The following THSD7B variants were observed in gnomAD, a reference collection of about 807,000 sequenced individuals.
The protein encoded by THSD7B is thrombospondin type 1 domain containing 7B.
A neutral mutation model predicts 213.6 loss-of-function variants in THSD7B; 138 were observed. That is an observed-to-expected ratio of 0.65 (90% CI 0.56 to 0.74). The LOEUF (loss-of-function observed/expected upper bound fraction) is 0.74, where lower values mean the gene tolerates loss of function less well. Ranked by LOEUF, THSD7B falls within the 30% of genes least tolerant of loss-of-function variation. THSD7B has a pLI of 0.00. For synonymous variants in THSD7B, 742 were observed against 687.0 expected, an observed-to-expected ratio of 1.08 and a Z score of -1.25; for missense variants, 1,931 against 1,991.5, an observed-to-expected ratio of 0.97 and a Z score of 0.58.
chr2:137,658,385 T>C (rs954133944), intron 24 of THSD7B, among the ~76,000 whole-genome samples: 5 of 152,210 alleles, frequency 3.3e-5, no homozygotes, highest in African/African-American at 7.2e-5. Context: ...GTGTATAACA[T>C]GTAATCATCT....
chr2:136,915,718 T>C (rs1684337975), intron 2 of THSD7B, among the ~76,000 whole-genome samples: 1 of 152,206 alleles, frequency 6.6e-6, no homozygotes, highest in Non-Finnish European at 1.5e-5. Context: ...AGCAAGTAAG[T>C]GGCAGAGCCA....
At chr2:137,614,506 A>C (rs1682346767) in intron 17 of THSD7B, among the ~76,000 whole-genome samples, 4 of 152,174 alleles carry the variant, frequency 2.6e-5, no homozygotes, top group Admixed American at 2.6e-4. Context: ...AGCACTAATC[A>C]GGAGTATCTA....
Position 137,465,411 on chromosome 2 carries a change from C to T in THSD7B, c.3138+14388C>T, listed in dbSNP as rs551713227. Among the ~76,000 whole-genome samples, 97 of 152,230 alleles carry T rather than the reference C, an allele frequency of 6.4e-4. 1 individual carries two copies. The highest frequency in any genetic ancestry group is 2.3e-3 in the African/African-American group (94 of 41,566). ...TAGATTTACATGAGATTTATGACCC[C>T]TGCTCCTCTTCCTGGACCAATTAAA... On this transcript the variant is annotated intron_variant, in intron 15 of 27. Coordinates refer to ENST00000409968, the MANE Select transcript of THSD7B (RefSeq NM_001316349.2).
intron 5 of THSD7B, among the ~76,000 whole-genome samples, chr2:137,135,839 T>C (rs964514629): frequency 6.9e-6 from 1 of 145,740 alleles, no homozygotes. Flanking sequence ...TGAAGAGTTA[T>C]ATGCTACACT....
intron 12 of THSD7B, among the ~76,000 whole-genome samples, chr2:137,279,967 G>A (rs755190952): frequency 4.6e-5 from 7 of 152,108 alleles, no homozygotes; most frequent in Non-Finnish European, 1.0e-4. Flanking sequence ...ATAAAGTCAT[G>A]GGAAAGCCGG....
chr2:136,773,358 C>CA (rs1004907991), intron 1 of THSD7B, among the ~76,000 whole-genome samples: 8 of 152,122 alleles, frequency 5.3e-5, no homozygotes, highest in Admixed American at 5.2e-4. Context: ...GAGGTGCATG[C>CA]AGGCATTCTC....
chr2:137,430,643 G>A (rs925511783), intron 14 of THSD7B, among the ~76,000 whole-genome samples: 1 of 152,166 alleles, frequency 6.6e-6, no homozygotes, highest in South Asian at 2.1e-4. Context: ...AGACATTGCC[G>A]CTTTAGAAAG....
chr2:137,102,398 G>T (rs1688168491), intron 4 of THSD7B, among the ~76,000 whole-genome samples: 1 of 152,210 alleles, frequency 6.6e-6, no homozygotes, highest in African/African-American at 2.4e-5. Flanking sequence ...CAACATCAAA[G>T]ACCAAAGTTA....
intron 3 of THSD7B, among the ~76,000 whole-genome samples, chr2:137,066,006 G>C (rs1052308837): frequency 5.3e-5 from 8 of 151,764 alleles, no homozygotes; most frequent in Admixed American, 1.3e-4. Flanking sequence ...CCAATTGGCA[G>C]TTTTTGTTTT....
chr2:137,566,314 G>T (rs1056570744), intron 16 of THSD7B, among the ~76,000 whole-genome samples: 2 of 152,216 alleles, frequency 1.3e-5, no homozygotes, highest in African/African-American at 4.8e-5. Flanking sequence ...GCAGTGGAAA[G>T]CCAAACACTG....
At chr2:137,468,323 A>C (rs1259152622) in intron 15 of THSD7B, among the ~76,000 whole-genome samples, 3 of 152,112 alleles carry the variant, frequency 2.0e-5, no homozygotes, top group Non-Finnish European at 4.4e-5. Flanking sequence ...ATACATTCAG[A>C]AGAGGTGAGG....
intron 2 of THSD7B, among the ~76,000 whole-genome samples, chr2:136,998,214 A>T (rs1685928969): frequency 6.7e-6 from 1 of 149,454 alleles, no homozygotes; most frequent in Admixed American, 6.8e-5. Flanking sequence ...TAAAAGACAG[A>T]GATTACCTCC....
intron 25 of THSD7B, among the ~76,000 whole-genome samples, chr2:137,661,707 G>A (rs1000265061): frequency 6.6e-6 from 1 of 152,192 alleles, no homozygotes; most frequent in African/African-American, 2.4e-5. Flanking sequence ...AGAAGGCCAA[G>A]TGCCCTCTTT....
chr2:136,850,232 G>A (rs2104962746), intron 1 of THSD7B, among the ~76,000 whole-genome samples: 1 of 152,086 alleles, frequency 6.6e-6, no homozygotes, highest in East Asian at 1.9e-4. Flanking sequence ...TTTTACAACT[G>A]TATAATGCTG....
chr2:137,583,946 G>C (rs1016445926), intron 17 of THSD7B, among the ~76,000 whole-genome samples: 7 of 152,150 alleles, frequency 4.6e-5, no homozygotes, highest in African/African-American at 1.7e-4. Flanking sequence ...GCATTTTCAT[G>C]ATATTGATTC....
chr2:137,319,526 C>T (rs927466604), intron 12 of THSD7B, among the ~76,000 whole-genome samples: 1 of 152,160 alleles, frequency 6.6e-6, no homozygotes, highest in African/African-American at 2.4e-5. Context: ...CCCTTTAATC[C>T]AGACCCTTGC....
chr2:136,919,370 T>A (rs775495259), intron 2 of THSD7B, among the ~76,000 whole-genome samples: 3 of 152,228 alleles, frequency 2.0e-5, no homozygotes, highest in Non-Finnish European at 4.4e-5. Flanking sequence ...CCCTTTCTTG[T>A]CTATACCTCA....
chr2:137,363,290 A>T (rs1277099511), intron 12 of THSD7B, among the ~76,000 whole-genome samples: 1 of 152,224 alleles, frequency 6.6e-6, no homozygotes, highest in Admixed American at 6.5e-5. Context: ...AGCAGGAAAG[A>T]TCTAAAATCG....
chr2:137,279,760 T>C (rs76574806), intron 12 of THSD7B, among the ~76,000 whole-genome samples: 181 of 152,290 alleles, frequency 1.2e-3, no homozygotes, highest in Non-Finnish European at 2.4e-3. Context: ...TCTTTACGCA[T>C]ATTAATAGGA....
Sources: allele counts gnomAD v4.1 joint callset (sites outside exome capture counted in the v4.1 genomes callset), GRCh38; gene constraint gnomAD v4.1.1; transcripts MANE v1.5; gene names NCBI Gene and HGNC (gene_info 2026-07-23, HGNC 2026-07-21).